Variants in FAM234A observed in about 807,000 individuals in gnomAD.
FAM234A encodes the protein protein FAM234A.
Under a neutral mutation model 49.1 loss-of-function variants are expected in FAM234A, and 42 were observed. That is an observed-to-expected ratio of 0.86 (90% CI 0.67 to 1.11). FAM234A has a LOEUF of 1.11. FAM234A is among the 50% of genes least tolerant of loss of function. FAM234A has a pLI of 0.00. For synonymous variants in FAM234A, 369 were observed against 316.2 expected, an observed-to-expected ratio of 1.17 and a Z score of -1.77; for missense variants, 815 against 745.2, an observed-to-expected ratio of 1.09 and a Z score of -1.09.
chr16:239,739 T>G (rs765178933), intron 1 of FAM234A, among the ~76,000 whole-genome samples: 1 of 152,160 alleles, frequency 6.6e-6, no homozygotes, highest in African/African-American at 2.4e-5. Flanking sequence ...TTCTGTGTAA[T>G]AGTTGCCTAT....
Position 259,937 on chromosome 16 carries a change from C to T in FAM234A, c.386-32C>T, listed in dbSNP as rs138137029. ...GGCCGGCCTGCCTGCCCAGATGGTG[C>T]AACAGTGAGGTGCCGGTGTCTCTCC... is the stretch of plus-strand genomic sequence containing the variant. On this transcript the variant is annotated intron_variant, in intron 4 of 12. Transcript: ENST00000399932. 57 of 1,598,976 alleles carry T rather than the reference C, an allele frequency of 3.6e-5. No homozygotes were observed. In the East Asian group the frequency reaches 1.2e-3, roughly 33 times the overall value.
At position 265,394 on chromosome 16, in the gene FAM234A, C is replaced by G; in HGVS notation, c.*372C>G. On this transcript the variant is annotated 3_prime_UTR_variant, in exon 13 of 13. Transcript: ENST00000399932. ...TGCCCTCTCCTTGCCAGCTTCTCCC[C>G]AGGCCAGAGCGGCCATCGCGTAGAA... 4.8e-6 allele frequency: 5 copies of G among 1,041,128 alleles called. No homozygotes were observed. Among genetic ancestry groups the G allele is most frequent in the Non-Finnish European group, 5.8e-6 (5 of 866,206 alleles). 64.5% of individuals were successfully genotyped at this position (1,041,128 alleles called of 1,614,324 possible).
rs1167823815 is a variant in FAM234A, at chr16:259,556, C to T, written c.342C>T (p.Asn114=). The T allele has an allele frequency of 1.2e-6, 2 of 1,612,600 alleles. No individual in the cohort carries two copies. The highest frequency in any genetic ancestry group is 1.7e-5 in the Admixed American group (1 of 60,010). Residue 114 remains asparagine (N), a synonymous_variant, in exon 4 of 13, where the codon AAC becomes AAT. Coordinates refer to ENST00000399932, the MANE Select transcript of FAM234A (RefSeq NM_032039.4). ...AAGATGTTCTTTTTCTTTATAAAAA[C>T]ACCAACAGCAGCAACAATTTCAGCC... is the stretch of plus-strand genomic sequence containing the variant. ...RIQDVLFLYK[N]TNSSNNFSRS... is the part of the protein sequence containing the mutation.
chr16:262,061 C>T, intron 6 of FAM234A, 32 bp from the exon 7 acceptor site: 1 of 1,603,932 alleles, frequency 6.2e-7, no homozygotes, highest in Non-Finnish European at 8.5e-7. Flanking sequence ...GCTCAGGTCC[C>T]TCTCTTCCTG....
At chr16:241,379 AC>A (rs1397295408) in intron 1 of FAM234A, among the ~76,000 whole-genome samples, 1 of 152,114 alleles carries the variant, frequency 6.6e-6, no homozygotes, top group East Asian at 1.9e-4. Context: ...CCCAGGAGTT[AC>A]AGAGGAGCCT....
At chr16:264,752 G>T in intron 12 of FAM234A, 36 bp downstream of exon 12, 5 of 1,606,536 alleles carry the variant, frequency 3.1e-6, no homozygotes, top group East Asian at 2.2e-5. Flanking sequence ...CGGGTGTTCC[G>T]CGGGGTCTGC....
At chr16:261,963 T>C in intron 6 of FAM234A, 130 bp from the exon 7 acceptor site, 1 of 1,274,500 alleles carries the variant, frequency 7.8e-7, no homozygotes, top group Non-Finnish European at 1.1e-6. Context: ...GCCCCCAGGC[T>C]CACGTCCCTC....
chr16:239,048 C>T (rs1469172847), intron 1 of FAM234A, among the ~76,000 whole-genome samples: 1 of 147,176 alleles, frequency 6.8e-6, no homozygotes, highest in East Asian at 2.0e-4. Context: ...CTCCGCTACA[C>T]TCCAGCCTGG....
chr16:236,631 G>C (rs1157820168), intron 1 of FAM234A, among the ~76,000 whole-genome samples: 1 of 150,218 alleles, frequency 6.7e-6, no homozygotes, highest in Non-Finnish European at 1.5e-5. Flanking sequence ...AATAGGCCGG[G>C]CGCGGTGGCT....
At chr16:260,858 C>T (rs1340576478) in intron 5 of FAM234A, 1 of 350,444 alleles carries the variant, frequency 2.9e-6, no homozygotes, top group African/African-American at 2.2e-5. Context: ...AGGAGTTGGA[C>T]GAGGACCTGT....
Position 263,641 on chromosome 16 carries a change from C to T in FAM234A, c.1113-59C>T, listed in dbSNP as rs558665942. ...GGGGCGGACGTGTTCCTGGGTGCTTCCTTCATCTCAGTCTCCTCACTGAGA... is the reference window on the plus strand; with the variant it reads ...GGGGCGGACGTGTTCCTGGGTGCTTTCTTCATCTCAGTCTCCTCACTGAGA... On this transcript the variant is annotated intron_variant, in intron 9 of 12. Coordinates refer to ENST00000399932, the MANE Select transcript of FAM234A (RefSeq NM_032039.4). 1.8e-5 allele frequency: 26 copies of T among 1,419,864 alleles called. No homozygotes were observed. The East Asian group carries it at 5.0e-4, about 27-fold the overall frequency. The allele number at this position is 1,419,864 out of a possible 1,614,324, so 88.0% of individuals were successfully genotyped here.
intron 1 of FAM234A, among the ~76,000 whole-genome samples, chr16:238,787 G>GAA (rs1384872718): frequency 1.3e-5 from 1 of 76,236 alleles, no homozygotes; most frequent in Non-Finnish European, 2.7e-5. Context: ...AAAAAAAAAA[G>GAA]AAAAAAAAAA....
intron 1 of FAM234A, among the ~76,000 whole-genome samples, chr16:243,137 C>T (rs760958813): frequency 7.9e-5 from 12 of 152,004 alleles, no homozygotes; most frequent in African/African-American, 2.7e-4. Context: ...CATGCCACTA[C>T]ACCTAATTTT....
intron 1 of FAM234A, among the ~76,000 whole-genome samples, chr16:237,314 T>C (rs2050438945): frequency 6.6e-6 from 1 of 152,152 alleles, no homozygotes; most frequent in Non-Finnish European, 1.5e-5. Flanking sequence ...ATATTTATTA[T>C]CCAACAGTTT....
At position 262,424 on chromosome 16, in the gene FAM234A, C is replaced by T. The variant is rs1346219755; in HGVS notation, c.842C>T (p.Ala281Val). ...TGAHYILFPC[A>V]SSLCGCSVKG... is the part of the protein sequence containing the mutation. The stretch of plus-strand genomic sequence containing the variant: ...TCGGGCCCTTCTGTGTTTTGAATAG[C>T]AAGCTCCCTCTGCGGCTGCTCTGTG... The change falls in exon 8 of 13, where the codon GCA becomes GTA. Residue 281 changes from alanine (A) to valine (V), a missense_variant and splice_region_variant. Transcript: ENST00000399932. 12 of 1,596,818 alleles carry T rather than the reference C, an allele frequency of 7.5e-6. No individual in the cohort carries two copies. Among genetic ancestry groups the T allele is most frequent in the Non-Finnish European group, 9.4e-6 (11 of 1,171,080 alleles).
intron 1 of FAM234A, among the ~76,000 whole-genome samples, chr16:241,905 C>CAA (rs370983209): frequency 1.5e-4 from 12 of 79,040 alleles, no homozygotes; most frequent in Admixed American, 3.9e-4. Context: ...GACAACGTCT[C>CAA]AAAAAAAAAA....
chr16:244,238 G>A (rs563606462), intron 1 of FAM234A, among the ~76,000 whole-genome samples: 9 of 152,298 alleles, frequency 5.9e-5, no homozygotes, highest in Admixed American at 1.3e-4. Flanking sequence ...AAAGTGCTGG[G>A]ATTACAGGCG....
downstream of FAM234A, chr16:269,688 CAG>C (rs1596882975): frequency 6.4e-6 from 6 of 932,520 alleles, no homozygotes; most frequent in African/African-American, 6.6e-5. Context: ...CCTCCAGCCA[CAG>C]AGTCTCCGGC....
intron 10 of FAM234A, 28 bp from the exon 11 acceptor site, chr16:263,988 G>T: frequency 6.3e-7 from 1 of 1,598,430 alleles, no homozygotes; most frequent in Non-Finnish European, 8.5e-7. Flanking sequence ...CCCCACGTTG[G>T]CCCCCACAGT....
Sources: gnomAD v4.1 joint callset for allele counts (sites outside exome capture counted in the v4.1 genomes callset) on GRCh38, gnomAD v4.1.1 for gene constraint, MANE v1.5 for transcripts, NCBI Gene and HGNC (gene_info 2026-07-23, HGNC 2026-07-21) for gene names.